The following TOP1MT variants were observed in gnomAD, a reference collection of about 807,000 sequenced individuals.
TOP1MT encodes DNA topoisomerase I, mitochondrial.
TOP1MT carries 80 observed loss-of-function variants against 73.9 expected under a neutral mutation model. The ratio of observed to expected loss-of-function variants is 1.08; its 90% CI spans 0.90 to 1.30. TOP1MT has a LOEUF of 1.30. Among genes scored for constraint, TOP1MT ranks in the 50% most tolerant of loss-of-function variants. The pLI is 0.00. For synonymous variants in TOP1MT, 338 were observed against 326.4 expected (o/e 1.04, Z -0.38); for missense variants, 815 against 808.0 (o/e 1.01, Z -0.10).
chr8:143,346,953 C>CTTTA (rs61391831), upstream of TOP1MT, among the ~76,000 whole-genome samples: 42,955 of 140,756 alleles, frequency 0.31, 6,797 homozygotes, highest in Middle Eastern at 0.35. Flanking sequence ...AGCCTCACTT[C>CTTTA]TTTATTTATT....
chr8:143,321,964 ACATGCTCAC>A (rs1816424452), intron 7 of TOP1MT, among the ~76,000 whole-genome samples: 1 of 66,406 alleles, frequency 1.5e-5, no homozygotes, highest in Non-Finnish European at 3.3e-5. Context: ...CACGCCACAC[ACATGCTCAC>A]CACACGCACG....
At position 143,341,561 on chromosome 8, in the gene TOP1MT, T is replaced by TG. The variant is rs1817081362; in HGVS notation, c.29+1658dup. Among the ~76,000 whole-genome samples, 1 of 152,226 alleles carries TG rather than the reference T, an allele frequency of 6.6e-6. No individual in the cohort carries two copies. Among genetic ancestry groups the TG allele is most frequent in the African/African-American group, 2.4e-5 (1 of 41,472 alleles). On this transcript the variant is annotated intron_variant, in intron 2 of 5. Transcript: ENST00000518007. This position sits in a 1 kb window ranked among gnomAD's most constrained non-coding sequence, Gnocchi z 4.1. ...CCACCCCAGCAATGGCTGCCCTCCATGGGCCTAACAGATGCTTTTAACTCA... is the reference window on the plus strand; with the variant it reads ...CCACCCCAGCAATGGCTGCCCTCCATGGGGCCTAACAGATGCTTTTAACTCA...
At chr8:143,321,172 G>A (rs778018087) in intron 8 of TOP1MT, 29 bp downstream of exon 8, 1 of 1,542,854 alleles carries the variant, frequency 6.5e-7, no homozygotes, top group Admixed American at 1.9e-5. Flanking sequence ...GTGTCACATA[G>A]CGGGGGCAGC....
At chr8:143,347,692 C>G (rs2977368), upstream of TOP1MT, among the ~76,000 whole-genome samples, 5,170 of 22,140 alleles carry the variant, frequency 0.23, 280 homozygotes, top group African/African-American at 0.34. Flanking sequence ...AGGCAGGCAG[C>G]CAGCCAGCCA....
intron 2 of TOP1MT, 109 bp from the exon 3 acceptor site, chr8:143,329,580 G>C (rs1586769314): frequency 7.5e-7 from 1 of 1,341,998 alleles, no homozygotes. Context: ...TATGCCAAGA[G>C]CAAGAAGCTA....
At chr8:143,313,269 G>A (rs1174998234) in intron 12 of TOP1MT, among the ~76,000 whole-genome samples, 4 of 152,212 alleles carry the variant, frequency 2.6e-5, no homozygotes, top group Admixed American at 6.5e-5. Context: ...AGAAAGATGT[G>A]GCCGGGCGCA....
chr8:143,351,782 T>C (rs1445371858), intron 1 of TOP1MT, among the ~76,000 whole-genome samples: 4 of 152,042 alleles, frequency 2.6e-5, no homozygotes, highest in Admixed American at 6.5e-5. Flanking sequence ...TGACTTCATA[T>C]GGTTAAGACA....
chr8:143,339,171 C>T (rs1817031787), upstream of TOP1MT, among the ~76,000 whole-genome samples: 1 of 152,190 alleles, frequency 6.6e-6, no homozygotes, highest in Non-Finnish European at 1.5e-5. Context: ...GTGGAGTTTA[C>T]CCCATCCAGA....
chr8:143,356,785 CAAAAAAAA>C (rs1161995816), upstream of TOP1MT, among the ~76,000 whole-genome samples: 3 of 25,952 alleles, frequency 1.2e-4, no homozygotes, highest in Non-Finnish European at 1.3e-4. Context: ...GACTCTGTCT[CAAAAAAAA>C]AAAAAAAAAA....
intron 3 of TOP1MT, among the ~76,000 whole-genome samples, chr8:143,328,665 C>T (rs1239773558): frequency 6.6e-6 from 1 of 152,246 alleles, no homozygotes; most frequent in Non-Finnish European, 1.5e-5. Flanking sequence ...TTCATGGCAG[C>T]TTTACACATG....
At position 143,344,857 on chromosome 8, in the gene TOP1MT, T is replaced by C. The variant is rs184337883; in HGVS notation, c.-39+59A>G. On this transcript the variant is annotated intron_variant, in intron 1 of 5. Coordinates refer to the TOP1MT transcript ENST00000518007. This position sits in a 1 kb window ranked among gnomAD's most constrained non-coding sequence, Gnocchi z 4.6. ...CTCAGCTGAGCGAGATGAGCGACAG[T>C]GAACAAGGCCAGGCAGGAGACAGAA... The C allele has an allele frequency of 1.0e-3, 158 of 152,356 alleles. No individual in the cohort carries two copies. The highest frequency in any genetic ancestry group is 1.7e-3 in the Admixed American group (26 of 15,262). 9.4% of individuals were successfully genotyped at this position (152,356 alleles called of 1,614,324 possible). A position where few individuals can be genotyped will look rare whatever the true frequency, so the allele number is the denominator to read the frequency against.
At chr8:143,314,463 G>A (rs62524727) in intron 12 of TOP1MT, among the ~76,000 whole-genome samples, 6,074 of 151,964 alleles carry the variant, frequency 0.04, 147 homozygotes, top group Non-Finnish European at 0.057. Context: ...GCGTGGTGGC[G>A]CGCACCTGTA....
chr8:143,317,750 G>A lies in TOP1MT; in HGVS notation c.1303C>T (p.Gln435Ter), dbSNP rs755591697. Residue 435 changes from glutamine to a stop codon, truncating the protein, a stop_gained, in exon 10 of 14, where the codon CAG (glutamine) becomes TAG (stop). Coordinates refer to ENST00000329245, the MANE Select transcript of TOP1MT (RefSeq NM_052963.3). LOFTEE classifies it high-confidence loss of function. Reference sequence around the variant, plus strand: ...CGCGTCAGGGCCCGCAGCTGCTCCTGCAGAGTGATGGAGGCGTTGTAGGTC... The same window carrying A: ...CGCGTCAGGGCCCGCAGCTGCTCCTACAGAGTGATGGAGGCGTTGTAGGTC... Reference protein sequence around the residue: ...FRTYNASITLQEQLRALTRAE... With the variant: ...FRTYNASITL 8.7e-6 allele frequency: 14 copies of A among 1,614,042 alleles called. No homozygotes were observed. In the South Asian group the frequency reaches 8.8e-5, roughly 10 times the overall value.
At chr8:143,326,171 T>G (rs1269997541) in intron 4 of TOP1MT, 51 bp downstream of exon 4, 4 of 1,603,694 alleles carry the variant, frequency 2.5e-6, no homozygotes, top group Non-Finnish European at 3.4e-6. Context: ...CAGGCCGGCC[T>G]CTCGTTCCCA....
chr8:143,309,723 C>CAGCG, intron 13 of TOP1MT, 180 bp from the exon 14 acceptor site: 1 of 1,527,052 alleles, frequency 6.5e-7, no homozygotes, highest in Non-Finnish European at 8.8e-7. Flanking sequence ...CCTGGAGCAT[C>CAGCG]AGCGAGGTGT....
chr8:143,345,305 G>A (rs1395405718), upstream of TOP1MT, among the ~76,000 whole-genome samples: 3 of 152,196 alleles, frequency 2.0e-5, no homozygotes, highest in Non-Finnish European at 4.4e-5. Flanking sequence ...CCCCATGCCT[G>A]ACCTGGCAGA....
At chr8:143,310,357 A>C in intron 12 of TOP1MT, 140 bp from the exon 13 acceptor site, 1 of 632,520 alleles carries the variant, frequency 1.6e-6, no homozygotes. Context: ...ATCACAGCAA[A>C]AGACCAGCCG....
intron 7 of TOP1MT, among the ~76,000 whole-genome samples, chr8:143,321,998 G>A (rs1392083660): frequency 2.9e-5 from 2 of 68,924 alleles, no homozygotes; most frequent in Admixed American, 2.2e-4. Context: ...ACACATGCAC[G>A]CCACACACAT....
chr8:143,330,820 G>T lies in TOP1MT; in HGVS notation c.238+404C>A, dbSNP rs567957076. Among the ~76,000 whole-genome samples, 8 of 152,246 alleles carry T rather than the reference G, an allele frequency of 5.3e-5. No individual in the cohort carries two copies. In the South Asian group the frequency reaches 1.7e-3, roughly 32 times the overall value. Reference sequence around the variant, plus strand: ...GGCTCAGCGCTCATGTCAACCACGGGCTCCGCTTCTTGCTGAGAATCACAA... The same window carrying T: ...GGCTCAGCGCTCATGTCAACCACGGTCTCCGCTTCTTGCTGAGAATCACAA... On this transcript the variant is annotated intron_variant, in intron 2 of 13. Transcript: ENST00000329245.
Sources: allele counts gnomAD v4.1 joint callset (sites outside exome capture counted in the v4.1 genomes callset), GRCh38; gene constraint gnomAD v4.1.1; non-coding constraint Gnocchi (gnomAD v3.1); transcripts MANE v1.5; gene names NCBI Gene and HGNC (gene_info 2026-07-23, HGNC 2026-07-21).